WDR17: variants seen among roughly 807,000 people sequenced by gnomAD.
The protein encoded by WDR17 is WD repeat-containing protein 17.
In WDR17, 143 loss-of-function variants were observed where a neutral mutation model predicts 161.7. That is an observed-to-expected ratio of 0.88 (90% confidence interval 0.77 to 1.02). WDR17 has a LOEUF of 1.02. WDR17 is among the 50% of genes least tolerant of loss of function. The pLI is 0.00. For missense variants in WDR17, 1,469 were observed against 1,520.9 expected, an observed-to-expected ratio of 0.97 and a Z score of 0.57; for synonymous variants, 517 against 515.6, an observed-to-expected ratio of 1.00 and a Z score of -0.04.
chr4:176,160,355 T>C (rs1748846690), intron 19 of WDR17, among the ~76,000 whole-genome samples: 2 of 152,314 alleles, frequency 1.3e-5, no homozygotes, highest in African/African-American at 4.8e-5. Context: ...GGAGTCTTGC[T>C]CTGTCACCCA....
intron 1 of WDR17, among the ~76,000 whole-genome samples, chr4:176,084,112 A>G (rs1371836977): frequency 6.6e-6 from 1 of 151,928 alleles, no homozygotes; most frequent in South Asian, 2.1e-4. Flanking sequence ...CACACTTTTA[A>G]CAATGTCTTG....
In WDR17 at chr4:176,151,848, A is replaced by G. The variant is rs756947891; in HGVS notation, c.2341A>G (p.Lys781Glu). ...AQELTTVKMS[K>E]FGGGIGVPAK... is the part of the protein sequence containing the mutation. The stretch of plus-strand genomic sequence containing the variant: ...AGAACTAACAACAGTCAAGATGTCT[A>G]AATTTGGTGGTGGTATTGGTGTACC... The change falls in exon 17 of 29, where the codon AAA becomes GAA. Residue 781 changes from lysine (K) to glutamate (E), a missense_variant. Physicochemically the swap from Lys to Glu is moderately conservative, Grantham distance 56. Coordinates refer to ENST00000508596, the MANE Select transcript of WDR17 (RefSeq NM_181265.4). The G allele has an allele frequency of 6.2e-7, 1 of 1,606,298 alleles. No individual in the cohort carries two copies. The highest frequency in any genetic ancestry group is 8.5e-7 in the Non-Finnish European group (1 of 1,177,598).
chr4:176,125,043 A>T (rs1579115151), intron 4 of WDR17, 61 bp from the exon 5 acceptor site: 1 of 1,569,292 alleles, frequency 6.4e-7, no homozygotes, highest in South Asian at 1.2e-5. Context: ...AGTTAGCATC[A>T]TCTAAATTAT....
intron 7 of WDR17, among the ~76,000 whole-genome samples, chr4:176,134,733 A>G (rs772156757): frequency 6.6e-6 from 1 of 151,756 alleles, no homozygotes; most frequent in Admixed American, 6.6e-5. Context: ...GCCAGATGAC[A>G]TATGGTAACT....
chr4:176,091,620 TAGA>T (rs773220298), intron 1 of WDR17, among the ~76,000 whole-genome samples: 3 of 152,012 alleles, frequency 2.0e-5, no homozygotes, highest in African/African-American at 2.4e-5. Context: ...CCAGAATTAG[TAGA>T]AGAAGTAATA....
chr4:176,068,889 A>G (rs1732861446), intron 1 of WDR17, among the ~76,000 whole-genome samples: 1 of 152,230 alleles, frequency 6.6e-6, no homozygotes, highest in Non-Finnish European at 1.5e-5. Flanking sequence ...CAAAACCTAG[A>G]GAAAAACATT....
At chr4:176,142,480 A>C (rs1041226298) in intron 11 of WDR17, among the ~76,000 whole-genome samples, 8 of 152,152 alleles carry the variant, frequency 5.3e-5, no homozygotes, top group Non-Finnish European at 1.2e-4. Flanking sequence ...TGCCTCTGGC[A>C]CTGGGTAATT....
chr4:176,086,648 T>G (rs1735459430), intron 1 of WDR17, among the ~76,000 whole-genome samples: 1 of 151,926 alleles, frequency 6.6e-6, no homozygotes, highest in Admixed American at 6.6e-5. Flanking sequence ...TTTATCATTT[T>G]CTGATCTTTG....
intron 1 of WDR17, among the ~76,000 whole-genome samples, chr4:176,076,647 G>A (rs1052270985): frequency 6.6e-6 from 1 of 150,472 alleles, no homozygotes; most frequent in African/African-American, 2.4e-5. Context: ...ATTTCAGTTT[G>A]GCTCTTTATT....
At chr4:176,156,242 C>A in intron 18 of WDR17, 99 bp downstream of exon 18, 1 of 1,068,152 alleles carries the variant, frequency 9.4e-7, no homozygotes, top group Non-Finnish European at 1.3e-6. Flanking sequence ...ATTTCTTATT[C>A]TTATGTTGTC....
At chr4:176,144,224 T>G (rs953420974) in intron 11 of WDR17, among the ~76,000 whole-genome samples, 4 of 152,198 alleles carry the variant, frequency 2.6e-5, no homozygotes, top group Non-Finnish European at 5.9e-5. Context: ...AAAGTATTCC[T>G]TGACCCCCAT....
chr4:176,153,771 C>G (rs1403460427), intron 17 of WDR17, among the ~76,000 whole-genome samples: 1 of 152,144 alleles, frequency 6.6e-6, no homozygotes, highest in African/African-American at 2.4e-5. Context: ...CACCTTTTTA[C>G]TTTCCATATA....
At chr4:176,153,378 C>G (rs1306819087) in intron 17 of WDR17, among the ~76,000 whole-genome samples, 1 of 152,136 alleles carries the variant, frequency 6.6e-6, no homozygotes, top group African/African-American at 2.4e-5. Context: ...CAAAACTGAT[C>G]TTTACAAAAA....
chr4:176,120,588 C>G (rs1324119399), intron 4 of WDR17, among the ~76,000 whole-genome samples: 2 of 149,558 alleles, frequency 1.3e-5, no homozygotes, highest in Non-Finnish European at 3.0e-5. Flanking sequence ...CTTTGAACCC[C>G]TGTTAGTTAA....
intron 4 of WDR17, among the ~76,000 whole-genome samples, chr4:176,120,822 T>C (rs1741459829): frequency 6.6e-6 from 1 of 151,396 alleles, no homozygotes; most frequent in South Asian, 2.1e-4. Flanking sequence ...ATAACTACTT[T>C]CACAAAACAA....
chr4:176,137,083 T>C (rs1036487481), intron 8 of WDR17, among the ~76,000 whole-genome samples: 4 of 151,634 alleles, frequency 2.6e-5, no homozygotes, highest in African/African-American at 9.7e-5. Flanking sequence ...TAGAAATACT[T>C]TCATAACCAT....
chr4:176,173,832 GA>G (rs1223339163), intron 25 of WDR17, among the ~76,000 whole-genome samples: 4 of 150,538 alleles, frequency 2.7e-5, no homozygotes, highest in Non-Finnish European at 5.9e-5. Flanking sequence ...ATGTTTTTAA[GA>G]AAAAAAATGT....
At chr4:176,084,738 G>T (rs571664733) in intron 1 of WDR17, among the ~76,000 whole-genome samples, 83 of 145,316 alleles carry the variant, frequency 5.7e-4, no homozygotes, top group Non-Finnish European at 1.0e-3. Flanking sequence ...AAAATTGTTA[G>T]CTTACTGTCG....
intron 18 of WDR17, among the ~76,000 whole-genome samples, chr4:176,157,745 A>G (rs1294829846): frequency 6.6e-6 from 1 of 152,260 alleles, no homozygotes; most frequent in Non-Finnish European, 1.5e-5. Flanking sequence ...GACATATTTT[A>G]TTAGCATCTA....
Sources: allele counts gnomAD v4.1 joint callset (sites outside exome capture counted in the v4.1 genomes callset), GRCh38; gene constraint gnomAD v4.1.1; transcripts MANE v1.5; gene names NCBI Gene and HGNC (gene_info 2026-07-23, HGNC 2026-07-21).